The following DNAH14 variants were observed in gnomAD, a reference collection of about 807,000 sequenced individuals.
The protein encoded by DNAH14 is axonemal beta dynein heavy chain 14.
In DNAH14, 478 loss-of-function variants were observed where a neutral mutation model predicts 520.9. That is an observed-to-expected ratio of 0.92 (90% confidence interval 0.85 to 0.99). DNAH14 has a LOEUF of 0.99. DNAH14 is among the 50% of genes least tolerant of loss of function. DNAH14 has a pLI of 0.00. For missense variants in DNAH14, 4,831 were observed against 5,234.5 expected (o/e 0.92, Z 2.38); for synonymous variants, 1,581 against 1,757.2 (o/e 0.90, Z 2.51).
At chr1:225,035,499 G>GT (rs34977027) in intron 11 of DNAH14, among the ~76,000 whole-genome samples, 8,196 of 149,236 alleles carry the variant, frequency 0.055, 450 homozygotes, top group East Asian at 0.24. Context: ...TTTATTTGAA[G>GT]TTTTTTTTTG....
intron 23 of DNAH14, among the ~76,000 whole-genome samples, chr1:225,110,363 A>C (rs1322771280): frequency 1.3e-5 from 2 of 151,764 alleles, no homozygotes; most frequent in Non-Finnish European, 2.9e-5. Context: ...ACTTGTTATT[A>C]GTCTGTTCAG....
chr1:225,335,235 A>ACACG (rs2094914820), intron 66 of DNAH14, among the ~76,000 whole-genome samples: 1 of 113,224 alleles, frequency 8.8e-6, no homozygotes, highest in South Asian at 3.3e-4. Flanking sequence ...ACATATACAC[A>ACACG]TGTGTACATT....
intron 9 of DNAH14, among the ~76,000 whole-genome samples, chr1:225,003,883 T>G (rs1283342616): frequency 1.3e-5 from 2 of 152,104 alleles, no homozygotes; most frequent in Non-Finnish European, 2.9e-5. Context: ...ATCAGATTAT[T>G]TTGTAAATGG....
intron 23 of DNAH14, among the ~76,000 whole-genome samples, chr1:225,114,831 C>G (rs1185770524): frequency 1.3e-5 from 2 of 152,148 alleles, no homozygotes; most frequent in Non-Finnish European, 2.9e-5. Flanking sequence ...CTCTGTGCCA[C>G]AAGTCCACCA....
intron 41 of DNAH14, among the ~76,000 whole-genome samples, chr1:225,221,431 A>C (rs1006652497): frequency 6.6e-6 from 1 of 152,226 alleles, no homozygotes; most frequent in African/African-American, 2.4e-5. Flanking sequence ...TAATATCCAG[A>C]ATCCACAAGG....
intron 18 of DNAH14, 117 bp from the exon 19 acceptor site, chr1:225,080,262 T>C: frequency 9.6e-7 from 1 of 1,040,418 alleles, no homozygotes; most frequent in Admixed American, 3.2e-5. Context: ...TAGTTCCAGT[T>C]TCACTCACTT....
chr1:225,132,997 T>A (rs1347953159), intron 27 of DNAH14, among the ~76,000 whole-genome samples: 1 of 152,234 alleles, frequency 6.6e-6, no homozygotes, highest in African/African-American at 2.4e-5. Context: ...TTTTTTCAAA[T>A]GTTTGTTGGG....
chr1:225,390,218 C>T (rs2095890119), intron 83 of DNAH14, among the ~76,000 whole-genome samples: 3 of 152,186 alleles, frequency 2.0e-5, no homozygotes, highest in Non-Finnish European at 2.9e-5. Context: ...AGACGGGCAA[C>T]TTCACAAGAT....
At chr1:225,240,562 A>T (rs1406766310) in intron 42 of DNAH14, 31 bp from the exon 43 acceptor site, 1 of 1,298,860 alleles carries the variant, frequency 7.7e-7, no homozygotes, top group South Asian at 1.4e-5. Flanking sequence ...AAAAATGTTA[A>T]CCTTCATCCT....
chr1:225,302,273 GAT>G (rs149393692), intron 56 of DNAH14, among the ~76,000 whole-genome samples: 58 of 151,790 alleles, frequency 3.8e-4, no homozygotes, highest in African/African-American at 1.4e-3. Flanking sequence ...GTAAAACAAA[GAT>G]AGATATTTTC....
Position 225,080,443 on chromosome 1 carries a change from CT to C in DNAH14, c.2832del (p.Leu945SerfsTer8). The C allele has an allele frequency of 6.4e-7, 1 of 1,551,174 alleles. No individual in the cohort carries two copies. Among genetic ancestry groups the C allele is most frequent in the Non-Finnish European group, 8.7e-7 (1 of 1,146,822 alleles). On this transcript the variant is annotated frameshift_variant, in exon 19 of 86. Coordinates refer to ENST00000682510, the MANE Select transcript of DNAH14 (RefSeq NM_001367479.1). LOFTEE classifies it high-confidence loss of function. Reference sequence around the variant, plus strand: ...TCAACAGCAATGGAAATGATCCAGACTCTCTCAGGGGAAGCTGCAAGTTTAA... The same window carrying C: ...TCAACAGCAATGGAAATGATCCAGACCTCTCAGGGGAAGCTGCAAGTTTAA... ...QVSTAMEMIQ[T>X]LSGEAASLTN... is the part of the protein sequence containing the mutation.
chr1:225,346,396 G>T lies in DNAH14; in HGVS notation c.11097+16G>T. On this transcript the variant is annotated intron_variant, in intron 70 of 85. Coordinates refer to ENST00000682510, the MANE Select transcript of DNAH14 (RefSeq NM_001367479.1). ...TATTTTTAAGGTGAGATATTCTTTA[G>T]TGTGAATTTTACATGCTTATTTAAT... is the stretch of plus-strand genomic sequence containing the variant. 2.6e-6 allele frequency: 4 copies of T among 1,527,108 alleles called. No homozygotes were observed. The highest frequency in any genetic ancestry group is 3.5e-6 in the Non-Finnish European group (4 of 1,138,588). The allele number at this position is 1,527,108 out of a possible 1,614,324, so 94.6% of individuals were successfully genotyped here.
chr1:225,365,685 G>A (rs1392285936), intron 76 of DNAH14, among the ~76,000 whole-genome samples: 7 of 151,892 alleles, frequency 4.6e-5, no homozygotes, highest in Non-Finnish European at 7.4e-5. Flanking sequence ...ACAACTCTTA[G>A]TCTGAGACTC....
At chr1:224,984,222 A>C (rs1025990698) in intron 8 of DNAH14, among the ~76,000 whole-genome samples, 4 of 152,176 alleles carry the variant, frequency 2.6e-5, no homozygotes, top group African/African-American at 7.2e-5. Flanking sequence ...AGAAGAGAGA[A>C]CCCAGAAATA....
intron 9 of DNAH14, among the ~76,000 whole-genome samples, chr1:225,003,562 G>T (rs79257893): frequency 0.053 from 8,001 of 152,092 alleles, 322 homozygotes; most frequent in Non-Finnish European, 0.078. Context: ...CAGTTGTGTT[G>T]ACTGCATGTA....
At chr1:225,249,810 A>G (rs1398124713) in intron 43 of DNAH14, among the ~76,000 whole-genome samples, 2 of 152,224 alleles carry the variant, frequency 1.3e-5, no homozygotes, top group Non-Finnish European at 2.9e-5. Flanking sequence ...TTAAGCTTCA[A>G]TAAGCATTTT....
chr1:225,226,429 C>T (rs1221854135), intron 41 of DNAH14, among the ~76,000 whole-genome samples: 1 of 152,236 alleles, frequency 6.6e-6, no homozygotes, highest in Non-Finnish European at 1.5e-5. Context: ...CAGGTAGCCT[C>T]AAACCAGGCA....
intron 27 of DNAH14, among the ~76,000 whole-genome samples, chr1:225,138,801 C>T (rs145709620): frequency 1.3e-5 from 2 of 152,220 alleles, no homozygotes; most frequent in East Asian, 3.9e-4. Context: ...CTCCCCAACC[C>T]CACTGCTTCT....
intron 8 of DNAH14, among the ~76,000 whole-genome samples, chr1:224,996,900 G>A (rs2063428614): frequency 6.6e-6 from 1 of 152,126 alleles, no homozygotes; most frequent in Non-Finnish European, 1.5e-5. Flanking sequence ...GCTGGGTGTA[G>A]AAGAACTAGC....
Sources: gnomAD v4.1 joint callset for allele counts (sites outside exome capture counted in the v4.1 genomes callset) on GRCh38, gnomAD v4.1.1 for gene constraint, MANE v1.5 for transcripts, NCBI Gene and HGNC (gene_info 2026-07-23, HGNC 2026-07-21) for gene names.